Variants in KLHL1 observed in about 807,000 individuals in gnomAD.
The protein encoded by KLHL1 is kelch-like protein 1.
KLHL1 carries 47 observed loss-of-function variants against 77.7 expected under a neutral mutation model. The observed-to-expected ratio is 0.60, with a 90% confidence interval of 0.48 to 0.77. KLHL1 has a LOEUF of 0.77. KLHL1 is among the 30% of genes least tolerant of loss of function. KLHL1 has a pLI of 0.00. For missense variants in KLHL1, 925 were observed against 910.8 expected, an observed-to-expected ratio of 1.02 and a Z score of -0.20; for synonymous variants, 360 against 325.2, an observed-to-expected ratio of 1.11 and a Z score of -1.15.
chr13:70,030,218 T>G (rs544677304), intron 1 of KLHL1, among the ~76,000 whole-genome samples: 2 of 152,236 alleles, frequency 1.3e-5, no homozygotes, highest in African/African-American at 4.8e-5. Flanking sequence ...GTCCAGGAAT[T>G]GAACTCAGCT....
intron 3 of KLHL1, among the ~76,000 whole-genome samples, chr13:69,948,905 C>G (rs570832176): frequency 2.0e-5 from 3 of 151,934 alleles, no homozygotes; most frequent in Non-Finnish European, 4.4e-5. Context: ...CAAATTTTAT[C>G]TATCATCATT....
At chr13:69,893,487 G>A (rs1437092638) in intron 4 of KLHL1, among the ~76,000 whole-genome samples, 1 of 152,084 alleles carries the variant, frequency 6.6e-6, no homozygotes, top group African/African-American at 2.4e-5. Context: ...ACCCGCCTCG[G>A]CCTCCCAAAG....
chr13:69,983,930 G>A (rs1318717520), intron 1 of KLHL1, among the ~76,000 whole-genome samples: 2 of 135,774 alleles, frequency 1.5e-5, no homozygotes, highest in African/African-American at 3.0e-5. Flanking sequence ...CACAGTAAAT[G>A]ATGCTTGGAA....
intron 4 of KLHL1, among the ~76,000 whole-genome samples, chr13:69,922,734 C>T (rs955186553): frequency 8.6e-5 from 13 of 151,852 alleles, no homozygotes; most frequent in Non-Finnish European, 1.6e-4. Flanking sequence ...TTACAGAAAA[C>T]ACAAAACTCT....
At chr13:69,964,881 T>C (rs1234285108) in intron 2 of KLHL1, among the ~76,000 whole-genome samples, 3 of 152,172 alleles carry the variant, frequency 2.0e-5, no homozygotes, top group Non-Finnish European at 4.4e-5. Context: ...GACTGATTTT[T>C]GTTTGAACCA....
chr13:69,942,281 A>G (rs1362111966), intron 3 of KLHL1, among the ~76,000 whole-genome samples: 1 of 151,974 alleles, frequency 6.6e-6, no homozygotes, highest in Non-Finnish European at 1.5e-5. Context: ...TTTATTGGTG[A>G]GCTTGGAAGG....
rs566834390 is a variant in KLHL1, at chr13:69,835,365, T to G, written c.1414+3611A>C. On this transcript the variant is annotated intron_variant, in intron 6 of 10. Transcript: ENST00000377844. ...AGAAATTTTCAAGGGCATAGTCAAA[T>G]AGCTGAAGGAACAGTGAGGTGAAAC... 7.8e-4 allele frequency among the ~76,000 whole-genome samples: 118 copies of G among 152,230 alleles called. 1 individual carries two copies. The highest frequency in any genetic ancestry group is 2.6e-3 in the African/African-American group (110 of 41,560).
At chr13:69,738,866 G>A (rs1873872169) in intron 8 of KLHL1, among the ~76,000 whole-genome samples, 1 of 152,058 alleles carries the variant, frequency 6.6e-6, no homozygotes, top group African/African-American at 2.4e-5. Context: ...AACTTACCAA[G>A]ACAGGCCAAA....
intron 7 of KLHL1, among the ~76,000 whole-genome samples, chr13:69,741,712 T>C: frequency 6.6e-6 from 1 of 152,158 alleles, no homozygotes; most frequent in Non-Finnish European, 1.5e-5. Flanking sequence ...AGAAAACTTA[T>C]AACTGTAAAT....
At chr13:70,052,972 G>GA (rs1158648338) in intron 1 of KLHL1, among the ~76,000 whole-genome samples, 21 of 151,892 alleles carry the variant, frequency 1.4e-4, no homozygotes, top group African/African-American at 5.1e-4. Context: ...TCTTGAGTGG[G>GA]AAAAAACAGA....
intron 1 of KLHL1, among the ~76,000 whole-genome samples, chr13:69,981,788 AAAAT>A (rs1457807625): frequency 2.0e-5 from 3 of 151,340 alleles, no homozygotes; most frequent in African/African-American, 7.3e-5. Flanking sequence ...AAAAGTGCCC[AAAAT>A]AAAAAAAAAT....
chr13:69,778,775 A>G lies in KLHL1; in HGVS notation c.1639+17963T>C, dbSNP rs188830432. Among the ~76,000 whole-genome samples, 648 of 150,574 alleles carry G rather than the reference A, an allele frequency of 4.3e-3. 3 individuals are homozygous for G. Among genetic ancestry groups the G allele is most frequent in the African/African-American group, 0.015 (614 of 40,958 alleles). On this transcript the variant is annotated intron_variant, in intron 7 of 10. Transcript: ENST00000377844. ...TTATATCTACTGTATATAATATTGA[A>G]GGCAGGTATTCCCTCTCTTTTTTTT...
chr13:69,839,248 G>C, intron 5 of KLHL1, 86 bp from the exon 6 acceptor site: 1 of 910,238 alleles, frequency 1.1e-6, no homozygotes, highest in Non-Finnish European at 1.6e-6. Context: ...TTTAATGTCT[G>C]TGATATTATC....
chr13:69,813,109 T>C lies in KLHL1; in HGVS notation c.1415-16147A>G, dbSNP rs1877958591. 2.0e-5 allele frequency among the ~76,000 whole-genome samples: 3 copies of C among 151,720 alleles called. No individual in the cohort carries two copies. The South Asian group carries it at 6.2e-4, about 32-fold the overall frequency. On this transcript the variant is annotated intron_variant, in intron 6 of 10. Transcript: ENST00000377844. Reference sequence around the variant, plus strand: ...TCAATGATAGACTGGATTAAGAAAATGTGGCACATATACACCATGGAATAC... The same window carrying C: ...TCAATGATAGACTGGATTAAGAAAACGTGGCACATATACACCATGGAATAC...
chr13:69,945,585 C>T lies in KLHL1; in HGVS notation c.818-5349G>A, dbSNP rs557119832. Among the ~76,000 whole-genome samples, 4 of 152,036 alleles carry T rather than the reference C, an allele frequency of 2.6e-5. No individual in the cohort carries two copies. In the South Asian group the frequency reaches 6.2e-4, roughly 24 times the overall value. On this transcript the variant is annotated intron_variant, in intron 3 of 10. Transcript: ENST00000377844. ...ATATACGGAATATATAAAGAATTTTCGAACTAAATTTTTAAAAAACTGGGC... is the reference window on the plus strand; with the variant it reads ...ATATACGGAATATATAAAGAATTTTTGAACTAAATTTTTAAAAAACTGGGC...
chr13:69,703,074 C>T (rs995473660), intron 10 of KLHL1, among the ~76,000 whole-genome samples: 1 of 151,638 alleles, frequency 6.6e-6, no homozygotes, highest in Non-Finnish European at 1.5e-5. Flanking sequence ...GATTGTCTCA[C>T]ATCAGAGTCA....
At chr13:69,864,952 C>A (rs61965686) in intron 5 of KLHL1, among the ~76,000 whole-genome samples, 1 of 151,998 alleles carries the variant, frequency 6.6e-6, no homozygotes, top group South Asian at 2.1e-4. Flanking sequence ...TGTTTTATTT[C>A]GTTTTGTTTT....
chr13:69,813,481 T>TACACACACACACACACACACAC (rs141973704), intron 6 of KLHL1, among the ~76,000 whole-genome samples: 1 of 146,272 alleles, frequency 6.8e-6, no homozygotes, highest in Admixed American at 6.9e-5. Flanking sequence ...TACACACACA[T>TACACACACACACACACACACAC]ACACACACAC....
chr13:69,999,173 T>A (rs1217782857), intron 1 of KLHL1, among the ~76,000 whole-genome samples: 2 of 152,118 alleles, frequency 1.3e-5, no homozygotes, highest in Non-Finnish European at 1.5e-5. Context: ...TGTACATGTA[T>A]TATATAATGT....
Sources: gnomAD v4.1 joint callset for allele counts (sites outside exome capture counted in the v4.1 genomes callset) on GRCh38, gnomAD v4.1.1 for gene constraint, MANE v1.5 for transcripts, NCBI Gene and HGNC (gene_info 2026-07-23, HGNC 2026-07-21) for gene names.